Variants in POLQ observed in about 807,000 individuals in gnomAD.
The protein encoded by POLQ is epididymis secretory sperm binding protein.
In POLQ, 233 loss-of-function variants were observed where a neutral mutation model predicts 259.2. That is an observed-to-expected ratio of 0.90 (90% CI 0.81 to 1.00). The LOEUF (loss-of-function observed/expected upper bound fraction) is 1.00, where lower values mean the gene tolerates loss of function less well. Ranked by LOEUF, POLQ falls within the 50% of genes least tolerant of loss-of-function variation. The pLI is 0.00. For missense variants in POLQ, 2,871 were observed against 3,051.6 expected, an observed-to-expected ratio of 0.94 and a Z score of 1.39; for synonymous variants, 1,025 against 1,048.8, an observed-to-expected ratio of 0.98 and a Z score of 0.44.
chr3:121,487,323 T>C lies in POLQ; in HGVS notation c.5608A>G (p.Ile1870Val), dbSNP rs766902666. The part of the protein sequence containing the change: ...RSLTSSKTAT[I>V]GSRFKQASSP... ...TTACCTTGCTTAAACCTACTGCCAATAGTAGCAGTTTTAGAAGATGTCAAA... is the reference window on the plus strand; with the variant it reads ...TTACCTTGCTTAAACCTACTGCCAACAGTAGCAGTTTTAGAAGATGTCAAA... Residue 1870 changes from isoleucine to valine, a missense_variant, in exon 16 of 30, where the codon ATT becomes GTT. Transcript: ENST00000264233. 3.1e-6 allele frequency: 5 copies of C among 1,593,150 alleles called. No individual in the cohort carries two copies. Among genetic ancestry groups the C allele is most frequent in the African/African-American group, 1.4e-5 (1 of 73,882 alleles).
At chr3:121,490,458 G>A (rs760755738) in intron 15 of POLQ, 50 bp from the exon 16 acceptor site, 1 of 1,454,396 alleles carries the variant, frequency 6.9e-7, no homozygotes, top group Admixed American at 1.8e-5. Flanking sequence ...CATTCGTAAG[G>A]CAAGTATTTA....
In POLQ at chr3:121,487,292, A is replaced by C; in HGVS notation, c.5629+10T>G. On this transcript the variant is annotated intron_variant, in intron 16 of 29. Coordinates refer to ENST00000264233, the MANE Select transcript of POLQ (RefSeq NM_199420.4). ...TAAATATGAAAAAATAAAATTAAAA[A>C]AATTCTTACCTTGCTTAAACCTACT... is the stretch of plus-strand genomic sequence containing the variant. The C allele has an allele frequency of 6.7e-7, 1 of 1,489,840 alleles. No homozygotes were observed. Among genetic ancestry groups the C allele is most frequent in the Non-Finnish European group, 9.0e-7 (1 of 1,106,778 alleles). The allele number at this position is 1,489,840 out of a possible 1,614,324, so 92.3% of individuals were successfully genotyped here. A position where few individuals can be genotyped will look rare whatever the true frequency, so the allele number is the denominator to read the frequency against.
chr3:121,527,148 C>A (rs1439681194), intron 7 of POLQ, among the ~76,000 whole-genome samples: 1 of 152,106 alleles, frequency 6.6e-6, no homozygotes, highest in African/African-American at 2.4e-5. Flanking sequence ...GCAACCTCTG[C>A]CTCCCAGGTT....
At chr3:121,509,832 A>T in intron 11 of POLQ, 129 bp from the exon 12 acceptor site, 1 of 962,622 alleles carries the variant, frequency 1.0e-6, no homozygotes, top group Non-Finnish European at 1.6e-6. Flanking sequence ...CCTTATCCAG[A>T]GCATGAAAAT....
At chr3:121,449,497 G>A (rs3218650) in intron 25 of POLQ, 71 bp from the exon 26 acceptor site, 36,953 of 816,936 alleles carry the variant, frequency 0.045, 1,056 homozygotes, top group Middle Eastern at 0.075. Context: ...TCATTAGGAT[G>A]CGAATTTCGG....
chr3:121,541,257 C>A (rs1228622015), intron 3 of POLQ, 92 bp downstream of exon 3: 2 of 1,165,092 alleles, frequency 1.7e-6, no homozygotes, highest in East Asian at 2.4e-5. Flanking sequence ...ACTTTGTTTT[C>A]CACTTGCTTT....
chr3:121,468,430 T>C lies in POLQ; in HGVS notation c.6720A>G (p.Gly2240=), dbSNP rs2047856434. The C allele has an allele frequency of 1.2e-6, 2 of 1,605,708 alleles. No individual in the cohort carries two copies. The highest frequency in any genetic ancestry group is 2.2e-5 in the South Asian group (2 of 90,256). ...YPVSQSHTAT[G]RITFTEPNIQ... is the part of the protein sequence containing the mutation. ...TATTTGGTTCTGTAAAGGTTATTCG[T>C]CCTAAAATCAAGCAGAATAAAGACA... The change falls in exon 23 of 30, where the codon GGA becomes GGG. Residue 2240 remains glycine, a splice_region_variant and synonymous_variant. Coordinates refer to ENST00000264233, the MANE Select transcript of POLQ (RefSeq NM_199420.4).
In POLQ at chr3:121,432,058, C is replaced by G. The variant is rs1388882962; in HGVS notation, c.*246G>C. The G allele has an allele frequency of 2.6e-6, 1 of 382,402 alleles. No individual in the cohort carries two copies. The highest frequency in any genetic ancestry group is 4.6e-6 in the Non-Finnish European group (1 of 217,876). 23.7% of individuals were successfully genotyped at this position (382,402 alleles called of 1,614,324 possible). ...CACAGTAAGTTACAAAAGGCAAATT[C>G]ATAGATGCTCTTTGAAAGTGAATGT... On this transcript the variant is annotated 3_prime_UTR_variant, in exon 30 of 30. Transcript: ENST00000264233.
At chr3:121,481,537 C>A in intron 19 of POLQ, 35 bp downstream of exon 19, 2 of 1,549,074 alleles carry the variant, frequency 1.3e-6, no homozygotes, top group South Asian at 1.2e-5. Flanking sequence ...TATCTCTAAT[C>A]TATAACATAA....
intron 8 of POLQ, 51 bp downstream of exon 8, chr3:121,521,952 C>A: frequency 8.2e-7 from 1 of 1,224,504 alleles, no homozygotes; most frequent in Non-Finnish European, 1.1e-6. Context: ...AAAGTTAAGA[C>A]AGTATGAGGA....
chr3:121,543,463 T>C (rs1005385478), intron 2 of POLQ, among the ~76,000 whole-genome samples: 5 of 152,230 alleles, frequency 3.3e-5, no homozygotes, highest in African/African-American at 1.2e-4. Context: ...TGAGGCTGCA[T>C]AGCCAGTAAG....
At chr3:121,445,359 A>C (rs1169336873) in intron 26 of POLQ, among the ~76,000 whole-genome samples, 2 of 152,086 alleles carry the variant, frequency 1.3e-5, no homozygotes, top group African/African-American at 2.4e-5. Context: ...CAATCTTGGC[A>C]GGTTGTATGT....
intron 25 of POLQ, among the ~76,000 whole-genome samples, chr3:121,452,204 G>C (rs1191137669): frequency 6.6e-6 from 1 of 152,156 alleles, no homozygotes; most frequent in Non-Finnish European, 1.5e-5. Flanking sequence ...CCTTGGCTAG[G>C]AAAGGGAATT....
intron 1 of POLQ, 112 bp downstream of exon 1, chr3:121,545,596 GGAGTAGA>G (rs2048526599): frequency 2.1e-6 from 2 of 935,452 alleles, no homozygotes; most frequent in East Asian, 5.3e-5. Flanking sequence ...ACAGAGAAGG[GGAGTAGA>G]AGCCCAATGG....
At chr3:121,540,094 C>T (rs1246292038) in intron 3 of POLQ, among the ~76,000 whole-genome samples, 1 of 151,512 alleles carries the variant, frequency 6.6e-6, no homozygotes, top group Non-Finnish European at 1.5e-5. Flanking sequence ...AACTAACATA[C>T]CTTTCAATAA....
At chr3:121,467,169 TGAA>T (rs577267623) in intron 24 of POLQ, among the ~76,000 whole-genome samples, 14 of 151,828 alleles carry the variant, frequency 9.2e-5, no homozygotes, top group South Asian at 8.4e-4. Flanking sequence ...GAAGAGAAAT[TGAA>T]GAAGGAGTTG....
chr3:121,502,805 AT>A (rs1209935897), intron 12 of POLQ, among the ~76,000 whole-genome samples: 7 of 152,228 alleles, frequency 4.6e-5, no homozygotes, highest in African/African-American at 1.7e-4. Flanking sequence ...GCAACACATA[AT>A]GATGTAATAA....
In POLQ at chr3:121,512,149, T is replaced by C. The variant is rs116779658; in HGVS notation, c.1469-120A>G. ...AGACAAGAGATGATAGTGGTTGTTA[T>C]GGTAATAAAATTATGGCTATTTTTT... On this transcript the variant is annotated intron_variant, in intron 9 of 29. Transcript: ENST00000264233. The C allele has an allele frequency of 3.9e-3, 3,137 of 798,582 alleles. 83 individuals carry two copies. In the African/African-American group the frequency reaches 0.05, roughly 13 times the overall value. 49.5% of individuals were successfully genotyped at this position (798,582 alleles called of 1,614,324 possible).
In POLQ at chr3:121,511,372, T is replaced by A. The variant is rs372629898; in HGVS notation, c.1611+515A>T. On this transcript the variant is annotated intron_variant, in intron 10 of 29. Transcript: ENST00000264233. ...GAGATTGCACCACTGCACTCCAGCC[T>A]GGCAACAGAGCGAGACTTCATCTCA... 1.3e-4 allele frequency among the ~76,000 whole-genome samples: 20 copies of A among 151,998 alleles called. No individual in the cohort carries two copies. In the East Asian group the frequency reaches 3.1e-3, roughly 24 times the overall value.
Sources: gnomAD v4.1 joint callset for allele counts (sites outside exome capture counted in the v4.1 genomes callset) on GRCh38, gnomAD v4.1.1 for gene constraint, MANE v1.5 for transcripts, NCBI Gene and HGNC (gene_info 2026-07-23, HGNC 2026-07-21) for gene names.